Variants in CCNY observed in about 807,000 individuals in gnomAD.
CCNY encodes the protein cyclin-Y.
CCNY carries 19 observed loss-of-function variants against 42.8 expected under a neutral mutation model. The observed-to-expected ratio is 0.44, with a 90% confidence interval of 0.31 to 0.65. The LOEUF (loss-of-function observed/expected upper bound fraction) is 0.65. Ranked by LOEUF, CCNY falls within the 30% of genes least tolerant of loss-of-function variation. The pLI is 0.07. For synonymous variants in CCNY, 165 were observed against 162.7 expected (o/e 1.01, Z -0.11); for missense variants, 370 against 437.3 (o/e 0.85, Z 1.37).
At chr10:35,300,415 G>A (rs1183027420) in intron 3 of CCNY, among the ~76,000 whole-genome samples, 5 of 152,022 alleles carry the variant, frequency 3.3e-5, no homozygotes, top group East Asian at 1.9e-4. Flanking sequence ...CACTTCTCTC[G>A]GGGGTTACAG....
chr10:35,463,572 A>G (rs867258929), intron 1 of CCNY, among the ~76,000 whole-genome samples: 15 of 152,260 alleles, frequency 9.9e-5, no homozygotes, highest in Admixed American at 4.6e-4. Flanking sequence ...AGAGTCAATG[A>G]AGCTAAGAGA....
intron 3 of CCNY, among the ~76,000 whole-genome samples, chr10:35,251,419 A>C (rs1234388305): frequency 6.6e-6 from 1 of 152,168 alleles, no homozygotes; most frequent in Admixed American, 6.6e-5. Flanking sequence ...TTGTTTGCTG[A>C]AACTAAATTG....
intron 7 of CCNY, among the ~76,000 whole-genome samples, chr10:35,537,497 A>G (rs1840910103): frequency 6.6e-6 from 1 of 152,228 alleles, no homozygotes; most frequent in South Asian, 2.1e-4. Context: ...AGCCTGTGAA[A>G]GCAGTCAGGA....
At chr10:35,407,432 T>G (rs967106885) in intron 1 of CCNY, among the ~76,000 whole-genome samples, 1 of 151,740 alleles carries the variant, frequency 6.6e-6, no homozygotes, top group Non-Finnish European at 1.5e-5. Context: ...GAAGAAAGAT[T>G]TGGGACGACT....
At chr10:35,255,032 T>G (rs1324947753) in intron 3 of CCNY, among the ~76,000 whole-genome samples, 1 of 152,188 alleles carries the variant, frequency 6.6e-6, no homozygotes, top group East Asian at 1.9e-4. Flanking sequence ...TAACTTTCCA[T>G]GTACACCTGA....
intron 1 of CCNY, among the ~76,000 whole-genome samples, chr10:35,436,249 C>T (rs940810423): frequency 7.9e-5 from 12 of 152,086 alleles, no homozygotes; most frequent in East Asian, 1.9e-4. Context: ...AAGGTGTGTG[C>T]GGTGGTGGGA....
intron 3 of CCNY, among the ~76,000 whole-genome samples, chr10:35,317,158 T>A (rs1219579428): frequency 4.6e-5 from 7 of 152,146 alleles, no homozygotes; most frequent in East Asian, 1.9e-4. Flanking sequence ...AATTTTTTTT[T>A]AAGTTTATTT....
intron 3 of CCNY, among the ~76,000 whole-genome samples, chr10:35,273,591 G>A (rs905212232): frequency 3.3e-5 from 5 of 152,070 alleles, no homozygotes; most frequent in Non-Finnish European, 7.4e-5. Context: ...TTGCTGGAGC[G>A]CTCTTGGGGA....
chr10:35,390,314 C>T (rs559637233), intron 1 of CCNY, among the ~76,000 whole-genome samples: 9 of 152,312 alleles, frequency 5.9e-5, no homozygotes, highest in African/African-American at 1.2e-4. Flanking sequence ...TGCCAGCAGA[C>T]GGTATTTCCA....
At position 35,530,041 on chromosome 10, in the gene CCNY, C is replaced by T. The variant is rs781039979; in HGVS notation, c.459+11C>T. The T allele has an allele frequency of 2.5e-6, 4 of 1,614,110 alleles. No individual in the cohort carries two copies. Among genetic ancestry groups the T allele is most frequent in the Non-Finnish European group, 3.4e-6 (4 of 1,179,968 alleles). ...CTTCACCCTCTTTCGGTAATCTCCT[C>T]CGTGTGTTTCATGAGATGATTTAAT... On this transcript the variant is annotated intron_variant, in intron 6 of 9. Coordinates refer to ENST00000374704, the MANE Select transcript of CCNY (RefSeq NM_145012.6). The surrounding 1 kb of genome is among the most constrained non-coding windows in gnomAD (Gnocchi z 4.3).
chr10:35,426,105 GCA>G (rs1356511719), intron 1 of CCNY, among the ~76,000 whole-genome samples: 3 of 58,032 alleles, frequency 5.2e-5, no homozygotes, highest in South Asian at 9.7e-4. Context: ...CACTGGTCCA[GCA>G]CGCGCACACA....
chr10:35,315,782 T>C (rs1015209873), intron 3 of CCNY, among the ~76,000 whole-genome samples: 4 of 152,202 alleles, frequency 2.6e-5, no homozygotes, highest in Admixed American at 1.3e-4. Context: ...TTTTTAGTAA[T>C]AGCCATTTTG....
At chr10:35,252,668 A>G (rs927951047) in intron 3 of CCNY, among the ~76,000 whole-genome samples, 1 of 151,946 alleles carries the variant, frequency 6.6e-6, no homozygotes, top group Non-Finnish European at 1.5e-5. Flanking sequence ...ATTCTCTGCA[A>G]ATTTGTACTG....
At chr10:35,527,809 T>C (rs1488835443) in intron 5 of CCNY, among the ~76,000 whole-genome samples, 1 of 152,202 alleles carries the variant, frequency 6.6e-6, no homozygotes, top group African/African-American at 2.4e-5. Context: ...CTGCATGCCT[T>C]CTCTTCGCTC....
chr10:35,474,623 C>T (rs1839465362), intron 1 of CCNY, among the ~76,000 whole-genome samples: 1 of 152,136 alleles, frequency 6.6e-6, no homozygotes, highest in Non-Finnish European at 1.5e-5. Flanking sequence ...ACAGAAAAGA[C>T]ATCCACACCA....
intron 7 of CCNY, among the ~76,000 whole-genome samples, chr10:35,546,406 A>G (rs1004312507): frequency 1.4e-4 from 21 of 152,338 alleles, no homozygotes; most frequent in African/African-American, 4.8e-4. Flanking sequence ...TGGTTTCCAG[A>G]GAGACTTCTT....
intron 3 of CCNY, among the ~76,000 whole-genome samples, chr10:35,313,863 C>T (rs1163771774): frequency 6.6e-6 from 1 of 151,022 alleles, no homozygotes; most frequent in African/African-American, 2.4e-5. Flanking sequence ...GCAGTCTCAG[C>T]TACTCAGGAG....
Position 35,570,391 on chromosome 10 carries a change from G to T in CCNY, c.*1221G>T, listed in dbSNP as rs1214959788. On this transcript the variant is annotated 3_prime_UTR_variant, in exon 10 of 10. Coordinates refer to ENST00000374704, the MANE Select transcript of CCNY (RefSeq NM_145012.6). Reference sequence around the variant, plus strand: ...AGAGAAGTTCTACAAAATTCAAACTGTGAAGGTTTATGCTTCATTAATTAT... The same window carrying T: ...AGAGAAGTTCTACAAAATTCAAACTTTGAAGGTTTATGCTTCATTAATTAT... 1 of 152,214 alleles carries T rather than the reference G, an allele frequency of 6.6e-6. No homozygotes were observed. Among genetic ancestry groups the T allele is most frequent in the Non-Finnish European group, 1.5e-5 (1 of 68,018 alleles). The allele number at this position is 152,214 out of a possible 1,614,324, so 9.4% of individuals were successfully genotyped here. A position where few individuals can be genotyped will look rare whatever the true frequency, so the allele number is the denominator to read the frequency against.
At chr10:35,313,996 A>G (rs1343854470) in intron 3 of CCNY, among the ~76,000 whole-genome samples, 3 of 151,740 alleles carry the variant, frequency 2.0e-5, no homozygotes, top group Non-Finnish European at 4.4e-5. Flanking sequence ...AAAAAAAAAA[A>G]AAAAGTAAAA....
Sources: allele counts gnomAD v4.1 joint callset (sites outside exome capture counted in the v4.1 genomes callset), GRCh38; gene constraint gnomAD v4.1.1; non-coding constraint Gnocchi (gnomAD v3.1); transcripts MANE v1.5; gene names NCBI Gene and HGNC (gene_info 2026-07-23, HGNC 2026-07-21).